Variants in CLSTN2 observed in about 807,000 individuals in gnomAD.
The protein encoded by CLSTN2 is calsyntenin 2, also known as calsyntenin-2.
A neutral mutation model predicts 101.2 loss-of-function variants in CLSTN2; 48 were observed. That is an observed-to-expected ratio of 0.47 (90% confidence interval 0.38 to 0.60). The LOEUF (loss-of-function observed/expected upper bound fraction) is 0.60. CLSTN2 is among the 20% of genes least tolerant of loss of function. CLSTN2 has a pLI of 0.00. For missense variants in CLSTN2, 1,160 were observed against 1,238.2 expected (o/e 0.94, Z 0.95); for synonymous variants, 481 against 463.6 (o/e 1.04, Z -0.48).
chr3:140,292,525 T>C (rs1463320569), intron 2 of CLSTN2, among the ~76,000 whole-genome samples: 2 of 152,192 alleles, frequency 1.3e-5, no homozygotes, highest in African/African-American at 4.8e-5. Context: ...AATTAACAAA[T>C]TGATACCTTT....
At chr3:140,308,234 A>G (rs1871496) in intron 2 of CLSTN2, among the ~76,000 whole-genome samples, 1 of 152,130 alleles carries the variant, frequency 6.6e-6, no homozygotes, top group Non-Finnish European at 1.5e-5. Flanking sequence ...TCAGAGAAAG[A>G]GTACAGGCTT....
intron 1 of CLSTN2, among the ~76,000 whole-genome samples, chr3:140,113,570 C>T (rs1254600361): frequency 6.6e-6 from 1 of 152,192 alleles, no homozygotes; most frequent in African/African-American, 2.4e-5. Flanking sequence ...CCATTTACAA[C>T]AGTGAGAAAT....
intron 9 of CLSTN2, among the ~76,000 whole-genome samples, chr3:140,540,487 C>G (rs1490154430): frequency 6.6e-6 from 1 of 152,216 alleles, no homozygotes; most frequent in East Asian, 1.9e-4. Context: ...ATCTACATCA[C>G]TGAAATGAGG....
At chr3:140,187,188 C>T (rs1251009674) in intron 2 of CLSTN2, among the ~76,000 whole-genome samples, 1 of 152,142 alleles carries the variant, frequency 6.6e-6, no homozygotes, top group Admixed American at 6.5e-5. Context: ...TGTTGCCTGT[C>T]ATATCTGCAC....
chr3:140,135,140 A>G (rs2009595124), intron 1 of CLSTN2, among the ~76,000 whole-genome samples: 1 of 126,136 alleles, frequency 7.9e-6, no homozygotes, highest in South Asian at 2.4e-4. Flanking sequence ...ATATATATAT[A>G]TATATATATA....
intron 1 of CLSTN2, among the ~76,000 whole-genome samples, chr3:139,996,450 C>T (rs968409064): frequency 2.0e-5 from 3 of 152,020 alleles, no homozygotes; most frequent in Admixed American, 1.3e-4. Context: ...AGTACAGTGG[C>T]GCGATCTCGG....
chr3:140,346,503 G>GT (rs36020316), intron 2 of CLSTN2, among the ~76,000 whole-genome samples: 13,189 of 152,248 alleles, frequency 0.087, 695 homozygotes, highest in Middle Eastern at 0.14. Flanking sequence ...CTTCCAGGCA[G>GT]TGTTCCCAGC....
At chr3:140,387,547 T>C (rs1037289483) in intron 2 of CLSTN2, among the ~76,000 whole-genome samples, 2 of 152,222 alleles carry the variant, frequency 1.3e-5, no homozygotes, top group Admixed American at 1.3e-4. Context: ...TTTGGCTCAT[T>C]CTTTGCCAAC....
chr3:140,359,647 G>C (rs9838521), intron 2 of CLSTN2, among the ~76,000 whole-genome samples: 2 of 151,936 alleles, frequency 1.3e-5, no homozygotes, highest in Non-Finnish European at 2.9e-5. Context: ...AAATGAAGGC[G>C]GACCTCACCT....
intron 8 of CLSTN2, among the ~76,000 whole-genome samples, chr3:140,484,847 A>G (rs1934203982): frequency 6.6e-6 from 1 of 152,124 alleles, no homozygotes; most frequent in Non-Finnish European, 1.5e-5. Flanking sequence ...TGGCTATTCT[A>G]GTTAGCCATT....
rs140740894 is a variant in CLSTN2 at position 140,311,655 on chromosome 3, T to G, written c.233-91974T>G. Among the ~76,000 whole-genome samples, 4 of 152,188 alleles carry G rather than the reference T, an allele frequency of 2.6e-5. No individual in the cohort carries two copies. The East Asian group carries it at 7.7e-4, about 29-fold the overall frequency. On this transcript the variant is annotated intron_variant, in intron 2 of 16. Coordinates refer to ENST00000458420, the MANE Select transcript of CLSTN2 (RefSeq NM_022131.3). ...AAGGCACTATTCTGAGAGTTTTATA[T>G]GCAATAACTCATGTAATCATCATGA...
At chr3:140,222,565 A>C (rs1028282702) in intron 2 of CLSTN2, among the ~76,000 whole-genome samples, 1 of 152,220 alleles carries the variant, frequency 6.6e-6, no homozygotes, top group South Asian at 2.1e-4. Flanking sequence ...TGCTTATATC[A>C]AAACATCTCA....
chr3:140,242,663 C>T (rs2086480431), intron 2 of CLSTN2, among the ~76,000 whole-genome samples: 1 of 152,208 alleles, frequency 6.6e-6, no homozygotes, highest in Non-Finnish European at 1.5e-5. Flanking sequence ...GGGCACTTAC[C>T]CAAAGCGAGA....
At chr3:140,520,810 T>TTCTG (rs1157031803) in intron 8 of CLSTN2, among the ~76,000 whole-genome samples, 12 of 152,210 alleles carry the variant, frequency 7.9e-5, no homozygotes, top group African/African-American at 2.9e-4. Flanking sequence ...CAATCATAGG[T>TTCTG]TCTGTCTCTT....
At chr3:140,093,395 C>T (rs956398831) in intron 1 of CLSTN2, among the ~76,000 whole-genome samples, 3 of 152,148 alleles carry the variant, frequency 2.0e-5, no homozygotes, top group Admixed American at 2.0e-4. Flanking sequence ...CATCCTACCC[C>T]CCAGTTAGCT....
chr3:140,197,827 T>G (rs1367236922), intron 2 of CLSTN2, among the ~76,000 whole-genome samples: 1 of 152,168 alleles, frequency 6.6e-6, no homozygotes, highest in African/African-American at 2.4e-5. Context: ...GACCTCAGTT[T>G]TAGTTTCTAT....
chr3:140,365,453 G>A (rs1046729104), intron 2 of CLSTN2, among the ~76,000 whole-genome samples: 14 of 152,156 alleles, frequency 9.2e-5, no homozygotes, highest in Non-Finnish European at 1.5e-4. Context: ...TGTGACTTAC[G>A]CAGAGTTTTC....
At chr3:140,463,708 T>C (rs57544406) in intron 7 of CLSTN2, among the ~76,000 whole-genome samples, 47,897 of 151,414 alleles carry the variant, frequency 0.32, 7,902 homozygotes, top group African/African-American at 0.4. Flanking sequence ...GCCACAATTA[T>C]AGGGTGAGGA....
intron 4 of CLSTN2, among the ~76,000 whole-genome samples, chr3:140,417,341 A>G (rs766607680): frequency 3.3e-5 from 5 of 152,178 alleles, no homozygotes; most frequent in Non-Finnish European, 7.3e-5. Context: ...CTAGATGAAC[A>G]TATTTGTACA....
Sources: allele counts gnomAD v4.1 joint callset (sites outside exome capture counted in the v4.1 genomes callset), GRCh38; gene constraint gnomAD v4.1.1; transcripts MANE v1.5; gene names NCBI Gene and HGNC (gene_info 2026-07-23, HGNC 2026-07-21).